Variants in MCPH1 observed in about 807,000 individuals in gnomAD.
MCPH1 encodes microcephalin 1.
MCPH1 carries 104 observed loss-of-function variants against 84.5 expected under a neutral mutation model. The ratio of observed to expected loss-of-function variants is 1.23; its 90% CI spans 1.05 to 1.45. The LOEUF is 1.45. MCPH1 is among the 40% of genes most tolerant of loss of function. The pLI is 0.00. For synonymous variants in MCPH1, 514 were observed against 366.8 expected, an observed-to-expected ratio of 1.40 and a Z score of -4.58; for missense variants, 1,498 against 1,005.7, an observed-to-expected ratio of 1.49 and a Z score of -6.62.
chr8:6,602,665 G>T (rs1355864253), intron 12 of MCPH1, among the ~76,000 whole-genome samples: 1 of 152,018 alleles, frequency 6.6e-6, no homozygotes, highest in Non-Finnish European at 1.5e-5. Context: ...GGTTGGGTTT[G>T]TTGCTTTCCT....
At chr8:6,491,807 C>T (rs1264931773) in intron 11 of MCPH1, among the ~76,000 whole-genome samples, 2 of 152,106 alleles carry the variant, frequency 1.3e-5, no homozygotes, top group Non-Finnish European at 2.9e-5. Context: ...GACATGAACT[C>T]ATCATATTTT....
At chr8:6,419,325 T>G (rs1308433684) in intron 3 of MCPH1, among the ~76,000 whole-genome samples, 1 of 151,950 alleles carries the variant, frequency 6.6e-6, no homozygotes, top group Non-Finnish European at 1.5e-5. Context: ...GCTCAATCAG[T>G]CCTCTCACCC....
At chr8:6,631,469 CA>C (rs5889181) in intron 13 of MCPH1, among the ~76,000 whole-genome samples, 68,669 of 149,020 alleles carry the variant, frequency 0.46, 16,153 homozygotes, top group East Asian at 0.7. Flanking sequence ...AACTCAACAA[CA>C]AAAAAAAAAC....
intron 8 of MCPH1, chr8:6,447,163 G>A: frequency 1.3e-5 from 13 of 985,342 alleles, no homozygotes; most frequent in Non-Finnish European, 1.6e-5. Flanking sequence ...AGCCTAAATC[G>A]AACCCTTTTA....
chr8:6,625,726 G>C, intron 13 of MCPH1: 1 of 977,882 alleles, frequency 1.0e-6, no homozygotes, highest in Non-Finnish European at 1.2e-6. Context: ...CAAGGCTGCG[G>C]TGAGCAACGA....
chr8:6,472,699 C>A (rs1807905030), intron 9 of MCPH1, among the ~76,000 whole-genome samples: 1 of 152,140 alleles, frequency 6.6e-6, no homozygotes, highest in Middle Eastern at 3.2e-3. Flanking sequence ...AACTCCTGAC[C>A]TCAGGTAATC....
intron 3 of MCPH1, among the ~76,000 whole-genome samples, chr8:6,425,240 T>C: frequency 6.6e-6 from 1 of 152,232 alleles, no homozygotes; most frequent in East Asian, 1.9e-4. Flanking sequence ...GCAGGTCAAA[T>C]AGTTGGTTCT....
rs370428016 is a variant in MCPH1, at chr8:6,486,152, A to T, written c.2136+5276A>T. Among the ~76,000 whole-genome samples the T allele has an allele frequency of 3.3e-5, 5 of 152,198 alleles. No homozygotes were observed. In the East Asian group the frequency reaches 7.7e-4, roughly 23 times the overall value. ...TTAGCACCCACTTTAATATTTATCT[A>T]TGTCTTGCATATAACTTCAGATATA... On this transcript the variant is annotated intron_variant, in intron 11 of 13. Transcript: ENST00000344683.
chr8:6,573,198 G>A (rs1461980090), intron 12 of MCPH1, among the ~76,000 whole-genome samples: 2 of 152,112 alleles, frequency 1.3e-5, no homozygotes, highest in African/African-American at 2.4e-5. Context: ...CATTTGGGGC[G>A]GGGGAGTGTC....
chr8:6,450,740 G>T (rs1001515800), intron 8 of MCPH1, among the ~76,000 whole-genome samples: 4 of 151,926 alleles, frequency 2.6e-5, no homozygotes, highest in African/African-American at 7.3e-5. Context: ...AGGAGTTGGG[G>T]TTTTTTGTTG....
chr8:6,612,793 C>T (rs907957646), intron 12 of MCPH1, among the ~76,000 whole-genome samples: 9 of 152,262 alleles, frequency 5.9e-5, no homozygotes, highest in African/African-American at 1.9e-4. Flanking sequence ...GGACTGAGAA[C>T]CGCCTGTGAA....
intron 12 of MCPH1, among the ~76,000 whole-genome samples, chr8:6,600,109 T>C (rs188843469): frequency 1.3e-5 from 2 of 152,338 alleles, no homozygotes; most frequent in East Asian, 3.9e-4. Context: ...TGGAGCTGAG[T>C]TGCTGGAGAC....
intron 9 of MCPH1, among the ~76,000 whole-genome samples, chr8:6,475,784 GCC>G (rs1808372431): frequency 6.6e-6 from 1 of 152,136 alleles, no homozygotes; most frequent in Non-Finnish European, 1.5e-5. Context: ...AAAACAGGCA[GCC>G]ATGAGTTTCA....
chr8:6,520,045 C>G (rs1817021252), intron 12 of MCPH1: 3 of 1,590,084 alleles, frequency 1.9e-6, no homozygotes, highest in Non-Finnish European at 2.6e-6. Context: ...AAGACAAAGA[C>G]TTGTTATTTC....
chr8:6,474,966 CAT>C (rs1032219630), intron 9 of MCPH1, among the ~76,000 whole-genome samples: 21 of 152,266 alleles, frequency 1.4e-4, no homozygotes, highest in Admixed American at 1.0e-3. Flanking sequence ...ATTCTTAAAA[CAT>C]TTACGTTTCT....
intron 12 of MCPH1, chr8:6,500,998 C>T (rs115031136): frequency 7.5e-4 from 114 of 152,240 alleles, no homozygotes; most frequent in African/African-American, 2.6e-3. Context: ...TGTTGTCTTT[C>T]GAGGCTGTGA....
rs980843322 is a variant in MCPH1 at position 6,519,936 on chromosome 8, T to A, written c.2214+20007T>A. 3.1e-6 allele frequency: 5 copies of A among 1,614,042 alleles called. No homozygotes were observed. The Admixed American group carries it at 8.3e-5, about 27-fold the overall frequency. ...TCGTGGTGTGTCCTGATTTGAATAC[T>A]TCAGCACAGTCTCTGAAGCTGATTT... On this transcript the variant is annotated intron_variant, in intron 12 of 13. Coordinates refer to ENST00000344683, the MANE Select transcript of MCPH1 (RefSeq NM_024596.5).
In MCPH1 at chr8:6,433,630, CAAAAAAA is replaced by C. The variant is rs60661127; in HGVS notation, c.321+2063_321+2069del. Among the ~76,000 whole-genome samples the C allele has an allele frequency of 3.7e-3, 152 of 40,898 alleles. 3 individuals carry two copies. In the East Asian group the frequency reaches 0.096, roughly 26 times the overall value. 26.8% of individuals were successfully genotyped at this position (40,898 alleles called of 152,430 possible). The stretch of plus-strand genomic sequence containing the variant: ...CCTGGGCGACAGCAAGGCTCTGTCT[CAAAAAAA>C]AAAAAAAAAAAAAAAAAACCTATTT... On this transcript the variant is annotated intron_variant, in intron 4 of 13. Coordinates refer to ENST00000344683, the MANE Select transcript of MCPH1 (RefSeq NM_024596.5).
chr8:6,636,712 A>G (rs1797582723), intron 13 of MCPH1, among the ~76,000 whole-genome samples: 1 of 152,218 alleles, frequency 6.6e-6, no homozygotes, highest in East Asian at 1.9e-4. Flanking sequence ...TGTGTATAAG[A>G]TGCAGATGAA....
Sources: gnomAD v4.1 joint callset for allele counts (sites outside exome capture counted in the v4.1 genomes callset) on GRCh38, gnomAD v4.1.1 for gene constraint, MANE v1.5 for transcripts, NCBI Gene and HGNC (gene_info 2026-07-23, HGNC 2026-07-21) for gene names.